RSRC1: variants seen among roughly 807,000 people sequenced by gnomAD.
RSRC1 encodes arginine and serine rich coiled-coil 1.
In RSRC1, 39 loss-of-function variants were observed where a neutral mutation model predicts 49.1. The ratio of observed to expected loss-of-function variants is 0.79; its 90% confidence interval spans 0.61 to 1.04. The LOEUF (loss-of-function observed/expected upper bound fraction) is 1.04. Among genes scored for constraint, RSRC1 ranks in the 50% least tolerant of loss-of-function variants. RSRC1 has a pLI of 0.00. For synonymous variants in RSRC1, 143 were observed against 130.8 expected (o/e 1.09, Z -0.63); for missense variants, 388 against 402.4 (o/e 0.96, Z 0.31).
chr3:158,361,520 C>T lies in RSRC1; in HGVS notation c.583+6612C>T, dbSNP rs189835119. Among the ~76,000 whole-genome samples, 199 of 152,298 alleles carry T rather than the reference C, an allele frequency of 1.3e-3. 1 individual carries two copies. The highest frequency in any genetic ancestry group is 2.3e-3 in the Non-Finnish European group (158 of 68,014). The stretch of plus-strand genomic sequence containing the variant: ...CTGGTCCCGTAGCCACTTCTGCCAC[C>T]ACCACCCATGCCTCCCCCACTGTGG... On this transcript the variant is annotated intron_variant, in intron 6 of 9. Transcript: ENST00000611884.
intron 5 of RSRC1, among the ~76,000 whole-genome samples, chr3:158,317,192 G>A (rs1370473733): frequency 6.6e-6 from 1 of 152,070 alleles, no homozygotes; most frequent in Non-Finnish European, 1.5e-5. Context: ...AATGAGTGGG[G>A]TGCTCATATG....
intron 7 of RSRC1, among the ~76,000 whole-genome samples, chr3:158,486,698 C>A (rs2108442323): frequency 6.6e-6 from 1 of 152,138 alleles, no homozygotes; most frequent in Non-Finnish European, 1.5e-5. Context: ...TATTAAATGC[C>A]TTTACCAGTG....
intron 6 of RSRC1, among the ~76,000 whole-genome samples, chr3:158,412,893 A>G (rs1734533331): frequency 6.6e-6 from 1 of 152,190 alleles, no homozygotes; most frequent in African/African-American, 2.4e-5. Flanking sequence ...AAGAATCAAT[A>G]TTGTGAAAAT....
At chr3:158,158,310 G>A (rs547953769) in intron 3 of RSRC1, among the ~76,000 whole-genome samples, 6 of 152,216 alleles carry the variant, frequency 3.9e-5, no homozygotes, top group Non-Finnish European at 5.9e-5. Context: ...GGCTGACTTC[G>A]TATATGTAGA....
intron 3 of RSRC1, among the ~76,000 whole-genome samples, chr3:158,195,546 T>A (rs1169214038): frequency 2.6e-5 from 4 of 152,198 alleles, no homozygotes; most frequent in Non-Finnish European, 4.4e-5. Context: ...CCATTGCTTT[T>A]GGTGTTTTAG....
chr3:158,439,347 A>C (rs570358695), intron 6 of RSRC1, among the ~76,000 whole-genome samples: 6 of 152,166 alleles, frequency 3.9e-5, no homozygotes, highest in Admixed American at 3.9e-4. Flanking sequence ...TCATGCTGCT[A>C]TAAAGACACA....
intron 4 of RSRC1, among the ~76,000 whole-genome samples, chr3:158,234,806 T>G (rs1400661053): frequency 1.3e-5 from 2 of 152,204 alleles, no homozygotes. Context: ...TTAATCACTC[T>G]TTCTTAAATG....
chr3:158,198,689 A>G (rs1173805134), intron 3 of RSRC1, among the ~76,000 whole-genome samples: 1 of 151,700 alleles, frequency 6.6e-6, no homozygotes, highest in African/African-American at 2.4e-5. Flanking sequence ...ACTGTCCGAC[A>G]CTCCCCAGTG....
chr3:158,532,785 T>C (rs1712479322), intron 7 of RSRC1, among the ~76,000 whole-genome samples: 1 of 151,814 alleles, frequency 6.6e-6, no homozygotes, highest in South Asian at 2.1e-4. Context: ...TAATGGTGTG[T>C]TTCCTTCATG....
At chr3:158,448,454 A>T (rs1373489716) in intron 6 of RSRC1, among the ~76,000 whole-genome samples, 1 of 151,956 alleles carries the variant, frequency 6.6e-6, no homozygotes. Flanking sequence ...ACAAAGATAC[A>T]TATAAGCAAA....
At chr3:158,381,586 G>C (rs191371765) in intron 6 of RSRC1, among the ~76,000 whole-genome samples, 157 of 152,286 alleles carry the variant, frequency 1.0e-3, no homozygotes, top group Non-Finnish European at 1.6e-3. Flanking sequence ...ACATCATAGA[G>C]TGTAGTTATA....
chr3:158,252,521 A>G (rs897943920), intron 4 of RSRC1, among the ~76,000 whole-genome samples: 68 of 152,136 alleles, frequency 4.5e-4, no homozygotes, highest in African/African-American at 1.4e-3. Context: ...TTTTGCATCA[A>G]TGTTCATCAG....
intron 6 of RSRC1, among the ~76,000 whole-genome samples, chr3:158,440,116 C>T (rs1203089402): frequency 6.6e-6 from 1 of 151,978 alleles, no homozygotes; most frequent in African/African-American, 2.4e-5. Flanking sequence ...TCATGTGTCC[C>T]AGAACTTAAA....
At chr3:158,338,342 C>T (rs999841599) in intron 5 of RSRC1, among the ~76,000 whole-genome samples, 1 of 151,904 alleles carries the variant, frequency 6.6e-6, no homozygotes, top group South Asian at 2.1e-4. Flanking sequence ...TTTATTTAAA[C>T]CAACTTGGTA....
At chr3:158,426,011 T>G (rs1378005424) in intron 6 of RSRC1, among the ~76,000 whole-genome samples, 2 of 151,718 alleles carry the variant, frequency 1.3e-5, no homozygotes, top group African/African-American at 4.8e-5. Flanking sequence ...GAGGACTTGT[T>G]ATTACATATA....
intron 4 of RSRC1, among the ~76,000 whole-genome samples, chr3:158,281,637 A>G (rs1242283867): frequency 6.6e-6 from 1 of 152,226 alleles, no homozygotes; most frequent in Non-Finnish European, 1.5e-5. Context: ...CAAGTGAGGA[A>G]AGGCTATGAA....
At chr3:158,118,635 A>G (rs577051041) in intron 1 of RSRC1, among the ~76,000 whole-genome samples, 4 of 152,158 alleles carry the variant, frequency 2.6e-5, no homozygotes, top group African/African-American at 9.6e-5. Flanking sequence ...CTGGTTTACT[A>G]TCATTTGCTT....
intron 4 of RSRC1, among the ~76,000 whole-genome samples, chr3:158,290,207 A>C (rs1043816604): frequency 2.0e-5 from 3 of 152,092 alleles, no homozygotes; most frequent in African/African-American, 7.3e-5. Context: ...AAATTTGAGA[A>C]ATATATAACT....
rs535255399 is a variant in RSRC1, at chr3:158,475,904, G to T, written c.652+14901G>T. On this transcript the variant is annotated intron_variant, in intron 7 of 9. Coordinates refer to ENST00000611884, the MANE Select transcript of RSRC1 (RefSeq NM_001271838.2). Reference sequence around the variant, plus strand: ...TGACTAAGCTTAGTGAGGAAGGCATGTCAAAAGTCCAGAGAGGATGAAAGC... The same window carrying T: ...TGACTAAGCTTAGTGAGGAAGGCATTTCAAAAGTCCAGAGAGGATGAAAGC... 5.9e-5 allele frequency among the ~76,000 whole-genome samples: 9 copies of T among 152,290 alleles called. No homozygotes were observed. In the South Asian group the frequency reaches 1.7e-3, roughly 28 times the overall value.
Sources: gnomAD v4.1 joint callset for allele counts (sites outside exome capture counted in the v4.1 genomes callset) on GRCh38, gnomAD v4.1.1 for gene constraint, MANE v1.5 for transcripts, NCBI Gene and HGNC (gene_info 2026-07-23, HGNC 2026-07-21) for gene names.